Variants in RBFOX1 observed in about 807,000 individuals in gnomAD.
RBFOX1 encodes the protein RNA binding fox-1 homolog 1.
RBFOX1 carries 8 observed loss-of-function variants against 57.7 expected under a neutral mutation model. The ratio of observed to expected loss-of-function variants is 0.14; its 90% CI spans 0.08 to 0.25. The LOEUF is 0.25. RBFOX1 is among the 10% of genes least tolerant of loss of function. The pLI is 1.00. For missense variants in RBFOX1, 611 were observed against 548.5 expected, an observed-to-expected ratio of 1.11 and a Z score of -1.14; for synonymous variants, 326 against 222.4, an observed-to-expected ratio of 1.47 and a Z score of -4.15.
At chr16:6,635,198 T>C (rs1053681784) in intron 2 of RBFOX1, among the ~76,000 whole-genome samples, 1 of 149,106 alleles carries the variant, frequency 6.7e-6, no homozygotes, top group Non-Finnish European at 1.5e-5. Context: ...TTACATAATA[T>C]GTACATATTT....
intron 1 of RBFOX1, among the ~76,000 whole-genome samples, chr16:5,429,527 C>T (rs1045838353): frequency 3.3e-5 from 5 of 152,166 alleles, no homozygotes; most frequent in African/African-American, 1.2e-4. Flanking sequence ...GGACCCAAAG[C>T]ACAGCCAAGA....
chr16:6,538,753 G>T (rs973823412), intron 2 of RBFOX1, among the ~76,000 whole-genome samples: 1 of 152,194 alleles, frequency 6.6e-6, no homozygotes, highest in Non-Finnish European at 1.5e-5. Flanking sequence ...TTTTCCAGCT[G>T]TTGGTTGTTT....
intron 9 of RBFOX1, among the ~76,000 whole-genome samples, chr16:7,602,068 C>G (rs751186647): frequency 3.3e-5 from 5 of 152,302 alleles, no homozygotes; most frequent in Admixed American, 6.5e-5. Context: ...TAAGGGTGCT[C>G]TCTGGAATGC....
chr16:6,999,916 A>G (rs942987948), intron 3 of RBFOX1, among the ~76,000 whole-genome samples: 6 of 151,940 alleles, frequency 3.9e-5, no homozygotes, highest in Admixed American at 1.3e-4. Context: ...TACTAAAAAT[A>G]CAGAAGTTAA....
At chr16:6,891,863 C>T (rs1171721658) in intron 3 of RBFOX1, among the ~76,000 whole-genome samples, 1 of 152,298 alleles carries the variant, frequency 6.6e-6, no homozygotes, top group Non-Finnish European at 1.5e-5. Context: ...TAGTGGACAG[C>T]AAGGCCAGCA....
chr16:6,088,906 C>T (rs981003647), intron 1 of RBFOX1, among the ~76,000 whole-genome samples: 1 of 151,914 alleles, frequency 6.6e-6, no homozygotes, highest in Non-Finnish European at 1.5e-5. Flanking sequence ...ACCATCCTCG[C>T]TAACACAGTG....
At chr16:6,044,424 G>A (rs2095473987) in intron 1 of RBFOX1, among the ~76,000 whole-genome samples, 1 of 151,346 alleles carries the variant, frequency 6.6e-6, no homozygotes, top group Non-Finnish European at 1.5e-5. Flanking sequence ...CAAGAACACT[G>A]CCCCTTCCAT....
intron 3 of RBFOX1, among the ~76,000 whole-genome samples, chr16:6,969,061 GA>G (rs1209207781): frequency 3.9e-5 from 6 of 152,062 alleles, no homozygotes; most frequent in African/African-American, 1.4e-4. Context: ...TCCCATCCGA[GA>G]GGTGTCAAGA....
At chr16:5,892,654 A>G (rs1418629882) in intron 4 of RBFOX1, among the ~76,000 whole-genome samples, 1 of 152,212 alleles carries the variant, frequency 6.6e-6, no homozygotes, top group Non-Finnish European at 1.5e-5. Context: ...TCTGAGGAAG[A>G]TCAAATTCAC....
intron 10 of RBFOX1, among the ~76,000 whole-genome samples, chr16:7,628,174 C>G (rs1427042658): frequency 1.3e-5 from 2 of 152,118 alleles, no homozygotes; most frequent in South Asian, 2.1e-4. Flanking sequence ...ATACATTTTT[C>G]TTTTGAAATT....
intron 4 of RBFOX1, among the ~76,000 whole-genome samples, chr16:7,135,796 C>G (rs965209806): frequency 2.0e-5 from 3 of 152,204 alleles, no homozygotes; most frequent in South Asian, 2.1e-4. Flanking sequence ...TTCTGAAGGC[C>G]TCATTCCACT....
At chr16:7,189,578 C>G (rs1020080684) in intron 4 of RBFOX1, among the ~76,000 whole-genome samples, 7 of 150,744 alleles carry the variant, frequency 4.6e-5, no homozygotes, top group African/African-American at 1.7e-4. Flanking sequence ...CACACACACA[C>G]ACACACACAT....
At chr16:5,813,619 T>C (rs1047989514) in intron 3 of RBFOX1, among the ~76,000 whole-genome samples, 10 of 152,230 alleles carry the variant, frequency 6.6e-5, no homozygotes, top group African/African-American at 2.4e-4. Context: ...AGTCTCACTA[T>C]TGAGTTTTAA....
chr16:7,397,466 G>C (rs2098161008), intron 4 of RBFOX1, among the ~76,000 whole-genome samples: 1 of 152,118 alleles, frequency 6.6e-6, no homozygotes, highest in African/African-American at 2.4e-5. Flanking sequence ...GTCTTCCTGA[G>C]ATGAGTAGAA....
chr16:7,484,974 A>G (rs1476316455), intron 4 of RBFOX1, among the ~76,000 whole-genome samples: 1 of 152,166 alleles, frequency 6.6e-6, no homozygotes, highest in Non-Finnish European at 1.5e-5. Context: ...GGAAAGAGAT[A>G]CTGTCTGGGT....
chr16:5,676,895 A>G (rs370045538), intron 3 of RBFOX1, among the ~76,000 whole-genome samples: 5 of 152,206 alleles, frequency 3.3e-5, no homozygotes, highest in African/African-American at 1.2e-4. Flanking sequence ...GTGCCTGGGC[A>G]CATAGTACTA....
At chr16:6,611,512 C>T (rs1377609612) in intron 2 of RBFOX1, among the ~76,000 whole-genome samples, 1 of 151,104 alleles carries the variant, frequency 6.6e-6, no homozygotes, top group Non-Finnish European at 1.5e-5. Context: ...ATGCTCTTTG[C>T]CCCCGTGTGA....
intron 3 of RBFOX1, among the ~76,000 whole-genome samples, chr16:6,853,105 A>G (rs753229919): frequency 3.9e-5 from 6 of 152,066 alleles, no homozygotes; most frequent in African/African-American, 1.2e-4. Context: ...CTCCCTCCAT[A>G]TATACTACCT....
intron 1 of RBFOX1, among the ~76,000 whole-genome samples, chr16:6,228,737 A>G (rs1204047898): frequency 6.6e-6 from 1 of 152,124 alleles, no homozygotes; most frequent in Non-Finnish European, 1.5e-5. Flanking sequence ...CTATTGTACA[A>G]TATGGAGAAA....
Sources: allele counts gnomAD v4.1 joint callset (sites outside exome capture counted in the v4.1 genomes callset), GRCh38; gene constraint gnomAD v4.1.1; transcripts MANE v1.5; gene names NCBI Gene and HGNC (gene_info 2026-07-23, HGNC 2026-07-21).